Variants in DLGAP4 observed in about 807,000 individuals in gnomAD.
DLGAP4 encodes disks large-associated protein 4.
In DLGAP4, 18 loss-of-function variants were observed where a neutral mutation model predicts 86.9. The observed-to-expected ratio is 0.21, with a 90% CI of 0.14 to 0.31. The LOEUF is 0.31. DLGAP4 is among the 10% of genes least tolerant of loss of function. The pLI is 1.00. For missense variants in DLGAP4, 1,085 were observed against 1,362.6 expected (o/e 0.80, Z 3.21); for synonymous variants, 548 against 574.3 (o/e 0.95, Z 0.65).
At chr20:36,392,040 G>A (rs2031800485) in intron 2 of DLGAP4, among the ~76,000 whole-genome samples, 2 of 152,204 alleles carry the variant, frequency 1.3e-5, no homozygotes, top group East Asian at 3.9e-4. Context: ...TCAGGGCCTG[G>A]GTGATAGGCA....
rs1290776635 is a variant in DLGAP4, at chr20:36,334,869, A to G, written c.-304+28357A>G. Among the ~76,000 whole-genome samples the G allele has an allele frequency of 2.0e-5, 3 of 152,178 alleles. No homozygotes were observed. The East Asian group carries it at 5.8e-4, about 29-fold the overall frequency. ...CCCCCAGTCCTGCCTCTCAGCCTGT[A>G]TCTGGGACCGACGTGTCTATTGGAG... On this transcript the variant is annotated intron_variant, in intron 1 of 12. Coordinates refer to ENST00000339266, the MANE Select transcript of DLGAP4 (RefSeq NM_001365621.2).
chr20:36,385,705 C>G (rs572292517), intron 2 of DLGAP4, among the ~76,000 whole-genome samples: 1 of 152,340 alleles, frequency 6.6e-6, no homozygotes, highest in South Asian at 2.1e-4. Context: ...AAGCTGCATA[C>G]GCCTCATGGG....
intron 7 of DLGAP4, chr20:36,465,337 G>T (rs1393247355): frequency 6.6e-6 from 1 of 152,202 alleles, no homozygotes; most frequent in Admixed American, 6.5e-5. Context: ...CCTGGAAGTC[G>T]GAAGCCAGTG....
intron 9 of DLGAP4, 152 bp downstream of exon 9, chr20:36,499,828 C>T (rs2036059064): frequency 5.0e-6 from 2 of 403,720 alleles, no homozygotes; most frequent in Non-Finnish European, 1.0e-5. Context: ...GCATGGGAGG[C>T]TGGGCAGGGG....
At chr20:36,369,763 A>G (rs1381224335) in intron 2 of DLGAP4, among the ~76,000 whole-genome samples, 1 of 152,182 alleles carries the variant, frequency 6.6e-6, no homozygotes, top group Non-Finnish European at 1.5e-5. Context: ...TGTTTTGTGC[A>G]CTTTACTCTT....
intron 7 of DLGAP4, among the ~76,000 whole-genome samples, chr20:36,450,453 A>G (rs1268739433): frequency 6.6e-6 from 1 of 152,096 alleles, no homozygotes; most frequent in Non-Finnish European, 1.5e-5. Context: ...AGCCAACATC[A>G]CACTATTGCA....
Position 36,465,047 on chromosome 20 carries a change from A to AT in DLGAP4, c.1648+18119dup, listed in dbSNP as rs969715828. ...TGATGAGGATTAAATGAGATTATGT[A>AT]TTTTTTTTTAAATCTGGTGCACAGT... On this transcript the variant is annotated intron_variant, in intron 7 of 12. Coordinates refer to ENST00000339266, the MANE Select transcript of DLGAP4 (RefSeq NM_001365621.2). 1.7e-3 allele frequency among the ~76,000 whole-genome samples: 257 copies of AT among 151,542 alleles called. 1 individual carries two copies. The highest frequency in any genetic ancestry group is 5.9e-3 in the African/African-American group (244 of 41,368).
chr20:36,378,050 C>G (rs2031227590), intron 2 of DLGAP4, among the ~76,000 whole-genome samples: 1 of 152,152 alleles, frequency 6.6e-6, no homozygotes, highest in Non-Finnish European at 1.5e-5. Context: ...GCCCAGCTGT[C>G]CCCCAGGAGA....
chr20:36,343,055 G>T (rs1177348372), intron 1 of DLGAP4, among the ~76,000 whole-genome samples: 1 of 152,140 alleles, frequency 6.6e-6, no homozygotes, highest in Non-Finnish European at 1.5e-5. Flanking sequence ...GAGGAGCGGG[G>T]ACTGCTCAGC....
intron 2 of DLGAP4, among the ~76,000 whole-genome samples, chr20:36,387,682 G>A (rs148926212): frequency 7.0e-4 from 107 of 152,270 alleles, no homozygotes; most frequent in African/African-American, 2.4e-3. Flanking sequence ...TTTGCATGCG[G>A]TGTGAAATAG....
Position 36,431,970 on chromosome 20 carries a change from G to A in DLGAP4, c.253G>A (p.Glu85Lys). The change falls in exon 3 of 13, where the codon GAG becomes AAG. Residue 85 changes from glutamate (E) to lysine (K), a missense_variant. Physicochemically the swap from Glu to Lys is moderately conservative, Grantham distance 56. Transcript: ENST00000339266. The surrounding 1 kb of genome is among the most constrained non-coding windows in gnomAD (Gnocchi z 5.1). ...CAACTCCCACTTCGAGGTGCCAGAG[G>A]AGAGCCCCTTCCCCAGCCATGCCCA... ...HYNSHFEVPE[E>K]SPFPSHAQAT... 1 of 1,614,182 alleles carries A rather than the reference G, an allele frequency of 6.2e-7. No homozygotes were observed. Among genetic ancestry groups the A allele is most frequent in the South Asian group, 1.1e-5 (1 of 91,076 alleles).
Position 36,496,909 on chromosome 20 carries a change from C to T in DLGAP4, c.1853C>T (p.Pro618Leu), listed in dbSNP as rs991491039. ...SSDSLDSSTR[P>L]PSVTRGGVAP... ...GACAGCCTGGACAGCAGTACCCGACCGCCCAGCGTGACACGGGGTGGAGTC... is the reference window on the plus strand; with the variant it reads ...GACAGCCTGGACAGCAGTACCCGACTGCCCAGCGTGACACGGGGTGGAGTC... The change falls in exon 8 of 13, where the codon CCG becomes CTG. Residue 618 changes from proline (P) to leucine (L), a missense_variant. Transcript: ENST00000339266. 1.4e-5 allele frequency: 23 copies of T among 1,614,034 alleles called. No homozygotes were observed. Among genetic ancestry groups the T allele is most frequent in the African/African-American group, 2.7e-5 (2 of 74,912 alleles).
At chr20:36,478,166 A>G (rs1213230633) in intron 7 of DLGAP4, among the ~76,000 whole-genome samples, 1 of 152,160 alleles carries the variant, frequency 6.6e-6, no homozygotes. Flanking sequence ...GGGACAGCAA[A>G]TATCTTGCAC....
chr20:36,506,300 A>T (rs772138759), intron 10 of DLGAP4, among the ~76,000 whole-genome samples: 3 of 152,220 alleles, frequency 2.0e-5, no homozygotes, highest in Non-Finnish European at 2.9e-5. Flanking sequence ...TAGAGCAAGA[A>T]GATGTTTACC....
Position 36,393,416 on chromosome 20 carries a change from T to C in DLGAP4, c.-73+26141T>C, listed in dbSNP as rs1309407758. Among the ~76,000 whole-genome samples, 1 of 152,114 alleles carries C rather than the reference T, an allele frequency of 6.6e-6. No individual in the cohort carries two copies. Among genetic ancestry groups the C allele is most frequent in the Non-Finnish European group, 1.5e-5 (1 of 68,008 alleles). On this transcript the variant is annotated intron_variant, in intron 2 of 12. Coordinates refer to ENST00000339266, the MANE Select transcript of DLGAP4 (RefSeq NM_001365621.2). The surrounding 1 kb of genome is among the most constrained non-coding windows in gnomAD (Gnocchi z 4.4). ...TCTGGTAAACAATAAAATTAATCCC[T>C]GTCCCCCGGCTGCTAACTTACGAAG...
intron 1 of DLGAP4, among the ~76,000 whole-genome samples, chr20:36,355,978 T>G (rs1253976504): frequency 1.3e-5 from 2 of 152,222 alleles, no homozygotes; most frequent in Admixed American, 1.3e-4. Flanking sequence ...AATCAGTGTG[T>G]TCCATCCTCT....
chr20:36,374,045 AAAAAG>A (rs2031052305), intron 2 of DLGAP4, among the ~76,000 whole-genome samples: 1 of 151,484 alleles, frequency 6.6e-6, no homozygotes, highest in South Asian at 2.1e-4. Flanking sequence ...AAAAAAAAAA[AAAAAG>A]AAAAAGAAAA....
At chr20:36,461,087 G>A (rs1035751661) in intron 7 of DLGAP4, among the ~76,000 whole-genome samples, 8 of 152,094 alleles carry the variant, frequency 5.3e-5, no homozygotes, top group Admixed American at 3.9e-4. Flanking sequence ...CTTACAGCGA[G>A]GTGTCGCTGG....
At chr20:36,378,882 A>C (rs1347032352) in intron 2 of DLGAP4, among the ~76,000 whole-genome samples, 1 of 151,988 alleles carries the variant, frequency 6.6e-6, no homozygotes, top group Non-Finnish European at 1.5e-5. Context: ...AGCAAGTTTG[A>C]GCTTCATTCA....
Sources: gnomAD v4.1 joint callset for allele counts (sites outside exome capture counted in the v4.1 genomes callset) on GRCh38, gnomAD v4.1.1 for gene constraint, Gnocchi (gnomAD v3.1) non-coding constraint, MANE v1.5 for transcripts, NCBI Gene and HGNC (gene_info 2026-07-23, HGNC 2026-07-21) for gene names.